AK8: variants seen among roughly 807,000 people sequenced by gnomAD.
The protein encoded by AK8 is ATP-AMP transphosphorylase 8.
AK8 carries 44 observed loss-of-function variants against 54.6 expected under a neutral mutation model. That is an observed-to-expected ratio of 0.81 (90% CI 0.63 to 1.04). The LOEUF is 1.04. Ranked by LOEUF, AK8 falls within the 50% of genes least tolerant of loss-of-function variation. The pLI is 0.00. For synonymous variants in AK8, 239 were observed against 245.6 expected (o/e 0.97, Z 0.25); for missense variants, 555 against 613.6 (o/e 0.90, Z 1.01).
At chr9:132,769,613 T>A (rs532214385) in intron 11 of AK8, 1 of 152,306 alleles carries the variant, frequency 6.6e-6, no homozygotes, top group Non-Finnish European at 1.5e-5. Context: ...AAATGGCTTT[T>A]CAAGGCGGTC....
At chr9:132,774,519 T>C (rs60800591) in intron 11 of AK8, among the ~76,000 whole-genome samples, 7,290 of 152,148 alleles carry the variant, frequency 0.048, 557 homozygotes, top group African/African-American at 0.16. Flanking sequence ...TTCAGCACTT[T>C]AGTTATGCCT....
chr9:132,757,118 C>G (rs1254663747), intron 11 of AK8, among the ~76,000 whole-genome samples: 2 of 151,852 alleles, frequency 1.3e-5, no homozygotes, highest in African/African-American at 4.8e-5. Flanking sequence ...GGGCACCCGA[C>G]AGATGACAAC....
chr9:132,727,509 C>A lies in AK8; in HGVS notation c.1147G>T (p.Asp383Tyr). Residue 383 changes from aspartate to tyrosine, a missense_variant, in exon 12 of 13, where the codon GAT (aspartate) becomes TAT (tyrosine). Coordinates refer to ENST00000298545, the MANE Select transcript of AK8 (RefSeq NM_152572.3). Reference protein sequence around the residue: ...NRVFFLNVPFDSIMERLTLRR... With the variant: ...NRVFFLNVPFYSIMERLTLRR... ...AGAGTCAGCCGCTCCATGATGGAAT[C>A]AAATGGCACATTCAGGAAAAACACC... 1 of 1,613,990 alleles carries A rather than the reference C, an allele frequency of 6.2e-7. No individual in the cohort carries two copies. The highest frequency in any genetic ancestry group is 8.5e-7 in the Non-Finnish European group (1 of 1,179,938).
chr9:132,796,503 T>A (rs1840178036), intron 10 of AK8, among the ~76,000 whole-genome samples: 1 of 152,078 alleles, frequency 6.6e-6, no homozygotes. Context: ...TTCAGTGTTG[T>A]TTACAATAGT....
At chr9:132,766,370 T>G (rs1838725651) in intron 11 of AK8, among the ~76,000 whole-genome samples, 1 of 152,196 alleles carries the variant, frequency 6.6e-6, no homozygotes, top group Non-Finnish European at 1.5e-5. Flanking sequence ...TGCCTTGGCC[T>G]CCCAAAATGT....
At chr9:132,816,838 A>C (rs1841352624) in intron 9 of AK8, among the ~76,000 whole-genome samples, 1 of 152,216 alleles carries the variant, frequency 6.6e-6, no homozygotes. Context: ...ACAGATCAGC[A>C]GTCTCACTGG....
intron 11 of AK8, among the ~76,000 whole-genome samples, chr9:132,745,239 T>A (rs1307302208): frequency 2.6e-5 from 4 of 152,068 alleles, no homozygotes; most frequent in Non-Finnish European, 5.9e-5. Flanking sequence ...CATGAACCAA[T>A]TAAAGGAAGT....
chr9:132,748,849 T>C (rs1837773186), intron 11 of AK8, among the ~76,000 whole-genome samples: 1 of 151,950 alleles, frequency 6.6e-6, no homozygotes, highest in South Asian at 2.1e-4. Flanking sequence ...TGGATAATTT[T>C]TCTGATGAAG....
intron 10 of AK8, among the ~76,000 whole-genome samples, chr9:132,810,926 G>T (rs1840974910): frequency 6.6e-6 from 1 of 152,104 alleles, no homozygotes. Flanking sequence ...TATGCAAAGA[G>T]CACTGACAAA....
chr9:132,756,794 C>T (rs2131036882), intron 11 of AK8, among the ~76,000 whole-genome samples: 1 of 152,202 alleles, frequency 6.6e-6, no homozygotes, highest in East Asian at 1.9e-4. Flanking sequence ...CCTTTAGAGA[C>T]AGGCGAATTC....
chr9:132,790,776 A>G lies in AK8; in HGVS notation c.1121+1858T>C, dbSNP rs1839914239. Reference sequence around the variant, plus strand: ...GTAGATGACATGGTCATCTACCTGTAAAACCCAAGAGAATCAACTGAAAAA... The same window carrying G: ...GTAGATGACATGGTCATCTACCTGTGAAACCCAAGAGAATCAACTGAAAAA... On this transcript the variant is annotated intron_variant, in intron 11 of 12. Coordinates refer to ENST00000298545, the MANE Select transcript of AK8 (RefSeq NM_152572.3). This position sits in a 1 kb window ranked among gnomAD's most constrained non-coding sequence, Gnocchi z 4.1. Among the ~76,000 whole-genome samples the G allele has an allele frequency of 6.6e-6, 1 of 152,182 alleles. No homozygotes were observed. The highest frequency in any genetic ancestry group is 2.4e-5 in the African/African-American group (1 of 41,452).
At chr9:132,783,539 T>C (rs1839567989) in intron 11 of AK8, among the ~76,000 whole-genome samples, 2 of 144,730 alleles carry the variant, frequency 1.4e-5, no homozygotes, top group South Asian at 2.1e-4. Context: ...CAGTTATAGG[T>C]GCTACCAAAA....
intron 11 of AK8, among the ~76,000 whole-genome samples, chr9:132,778,300 C>T (rs1202217571): frequency 2.0e-5 from 3 of 152,148 alleles, no homozygotes; most frequent in Admixed American, 6.5e-5. Context: ...CCCTGCTCGT[C>T]GGGAGGCTCA....
chr9:132,817,236 T>C (rs1366378665), intron 9 of AK8, among the ~76,000 whole-genome samples: 1 of 152,198 alleles, frequency 6.6e-6, no homozygotes, highest in Non-Finnish European at 1.5e-5. Context: ...TTCAGTAGGA[T>C]GGAGTTAATC....
chr9:132,732,881 G>T (rs922681051), intron 11 of AK8, among the ~76,000 whole-genome samples: 1 of 152,116 alleles, frequency 6.6e-6, no homozygotes, highest in Non-Finnish European at 1.5e-5. Context: ...AGTTTTTCCA[G>T]TGCCACTTGC....
intron 5 of AK8, among the ~76,000 whole-genome samples, chr9:132,841,947 G>C (rs374300683): frequency 6.6e-6 from 1 of 152,146 alleles, no homozygotes; most frequent in African/African-American, 2.4e-5. Context: ...GGGTCCCAAG[G>C]GGGGACCTCC....
At chr9:132,749,949 C>T (rs138601349) in intron 11 of AK8, among the ~76,000 whole-genome samples, 2 of 145,812 alleles carry the variant, frequency 1.4e-5, no homozygotes, top group East Asian at 2.2e-4. Context: ...CTTCCTCTGT[C>T]TTCCTTACCT....
Position 132,828,664 on chromosome 9 carries a change from C to A in AK8, c.465G>T (p.Gly155=). The A allele has an allele frequency of 6.2e-7, 1 of 1,612,308 alleles. No individual in the cohort carries two copies. The highest frequency in any genetic ancestry group is 8.5e-7 in the Non-Finnish European group (1 of 1,179,244). Residue 155 remains glycine, a synonymous_variant, in exon 6 of 13, where the codon GGG becomes GGT. Coordinates refer to ENST00000298545, the MANE Select transcript of AK8 (RefSeq NM_152572.3). ...ACTCACTGACGTGTCTGGGTGTGAT[C>A]CCCAGGGTCTGGATCCTCAGAGCCT... The part of the protein sequence containing the change: ...REQALRIQTL[G]ITPRHVIVLS...
chr9:132,821,255 C>T (rs535254460), intron 9 of AK8, among the ~76,000 whole-genome samples: 3 of 151,986 alleles, frequency 2.0e-5, no homozygotes, highest in African/African-American at 7.2e-5. Context: ...CTCCCTCCAC[C>T]GCGAGTGCCC....
Sources: gnomAD v4.1 joint callset for allele counts (sites outside exome capture counted in the v4.1 genomes callset) on GRCh38, gnomAD v4.1.1 for gene constraint, Gnocchi (gnomAD v3.1) non-coding constraint, MANE v1.5 for transcripts, NCBI Gene and HGNC (gene_info 2026-07-23, HGNC 2026-07-21) for gene names.